Variants in AGBL1 observed in about 807,000 individuals in gnomAD.
The protein encoded by AGBL1 is cytosolic carboxypeptidase 4.
Under a neutral mutation model 118.9 loss-of-function variants are expected in AGBL1, and 130 were observed. That is an observed-to-expected ratio of 1.09 (90% CI 0.95 to 1.26). The LOEUF (loss-of-function observed/expected upper bound fraction) is 1.26, where lower values mean the gene tolerates loss of function less well. AGBL1 is among the 50% of genes most tolerant of loss of function. The pLI is 0.00. For synonymous variants in AGBL1, 555 were observed against 478.9 expected (o/e 1.16, Z -2.08); for missense variants, 1,584 against 1,298.1 (o/e 1.22, Z -3.38).
intron 22 of AGBL1, among the ~76,000 whole-genome samples, chr15:86,687,178 C>A (rs2142586886): frequency 6.6e-6 from 1 of 152,194 alleles, no homozygotes. Flanking sequence ...ACTCTGTGGC[C>A]AGTTTACCTT....
At chr15:86,693,691 T>G (rs2086210431) in intron 22 of AGBL1, among the ~76,000 whole-genome samples, 1 of 152,136 alleles carries the variant, frequency 6.6e-6, no homozygotes, top group Non-Finnish European at 1.5e-5. Flanking sequence ...CTAGAGGGTC[T>G]TTTCCAATGT....
At chr15:86,414,003 T>G (rs921292609) in intron 18 of AGBL1, among the ~76,000 whole-genome samples, 1 of 152,138 alleles carries the variant, frequency 6.6e-6, no homozygotes, top group Non-Finnish European at 1.5e-5. Flanking sequence ...TATAAAAGAA[T>G]GAAATCATGT....
Position 86,212,643 on chromosome 15 carries a change from CAGTT to C in AGBL1, c.489-12269_489-12266del, listed in dbSNP as rs68011929. On this transcript the variant is annotated intron_variant, in intron 5 of 22. Transcript: ENST00000614907. ...CCATCCTTTAAAGAAGTGGGATTGACAGTTATTTTTATTTTTTATTTTTTGGGAC... is the reference window on the plus strand; with the variant it reads ...CCATCCTTTAAAGAAGTGGGATTGACATTTTTATTTTTTATTTTTTGGGAC... Among the ~76,000 whole-genome samples the C allele has an allele frequency of 4.9e-3, 747 of 152,194 alleles. 3 individuals are homozygous for C. The highest frequency in any genetic ancestry group is 7.5e-3 in the Non-Finnish European group (513 of 67,992).
intron 23 of AGBL1, among the ~76,000 whole-genome samples, chr15:86,957,721 T>C (rs1290326127): frequency 1.3e-5 from 2 of 152,096 alleles, no homozygotes; most frequent in Non-Finnish European, 2.9e-5. Context: ...CAAATGTAGA[T>C]TTATCCCTTA....
At chr15:86,142,102 G>A (rs988914656) in intron 2 of AGBL1, 35 bp downstream of exon 2, 114 of 1,545,352 alleles carry the variant, frequency 7.4e-5, no homozygotes, top group African/African-American at 3.0e-4. Flanking sequence ...TTCATATGGC[G>A]GATGTGGAGC....
intron 22 of AGBL1, among the ~76,000 whole-genome samples, chr15:86,679,816 C>T (rs1245449949): frequency 3.3e-5 from 5 of 151,996 alleles, no homozygotes; most frequent in African/African-American, 9.7e-5. Flanking sequence ...TAACTATTTA[C>T]TTGAATTAAT....
chr15:86,846,451 G>T (rs1009517125), intron 22 of AGBL1, among the ~76,000 whole-genome samples: 3 of 152,174 alleles, frequency 2.0e-5, no homozygotes, highest in Admixed American at 2.0e-4. Context: ...GTTACAATGT[G>T]TCTATCTTAC....
chr15:86,437,209 G>C (rs965192706), intron 18 of AGBL1, among the ~76,000 whole-genome samples: 1 of 152,278 alleles, frequency 6.6e-6, no homozygotes, highest in African/African-American at 2.4e-5. Flanking sequence ...AAATATTGCT[G>C]TCAAATATTC....
intron 22 of AGBL1, among the ~76,000 whole-genome samples, chr15:86,878,940 G>A (rs765559647): frequency 6.6e-6 from 1 of 152,314 alleles, no homozygotes; most frequent in South Asian, 2.1e-4. Flanking sequence ...GCTGGTCCCC[G>A]CCTGAAGAGA....
At chr15:86,359,387 C>CTTTTTTT (rs56189861) in intron 17 of AGBL1, among the ~76,000 whole-genome samples, 3 of 93,806 alleles carry the variant, frequency 3.2e-5, no homozygotes, top group Admixed American at 1.1e-4. Flanking sequence ...TATTGGTTTT[C>CTTTTTTT]TTTTTTTTTT....
chr15:86,839,924 T>C (rs1041507685), intron 22 of AGBL1, among the ~76,000 whole-genome samples: 1 of 152,214 alleles, frequency 6.6e-6, no homozygotes, highest in Non-Finnish European at 1.5e-5. Flanking sequence ...TAACTCAGAC[T>C]TCTATGAATT....
chr15:86,583,224 G>A (rs116501930), intron 21 of AGBL1, among the ~76,000 whole-genome samples: 127 of 152,026 alleles, frequency 8.4e-4, no homozygotes, highest in African/African-American at 2.8e-3. Context: ...AGTATATTGA[G>A]TGATGCTGAA....
At chr15:86,548,953 G>A (rs1375615889) in intron 20 of AGBL1, among the ~76,000 whole-genome samples, 1 of 152,042 alleles carries the variant, frequency 6.6e-6, no homozygotes, top group Admixed American at 6.6e-5. Context: ...TTCACATGGT[G>A]AGAACAGAGC....
intron 22 of AGBL1, among the ~76,000 whole-genome samples, chr15:86,890,629 C>T (rs1390651639): frequency 6.6e-6 from 1 of 152,054 alleles, no homozygotes; most frequent in Non-Finnish European, 1.5e-5. Flanking sequence ...TTTCCAGAAC[C>T]ATTGATTAAA....
chr15:86,920,046 T>C (rs1054020509), downstream of AGBL1, among the ~76,000 whole-genome samples: 1 of 152,176 alleles, frequency 6.6e-6, no homozygotes, highest in African/African-American at 2.4e-5. Flanking sequence ...CTATTTACTG[T>C]CTTAGGGTGA....
chr15:86,110,744 G>C (rs924248794), intron 1 of AGBL1, among the ~76,000 whole-genome samples: 1 of 152,184 alleles, frequency 6.6e-6, no homozygotes, highest in Non-Finnish European at 1.5e-5. Flanking sequence ...ATTAGGGGAT[G>C]TGTAATGTTC....
intron 24 of AGBL1, among the ~76,000 whole-genome samples, chr15:86,999,347 A>G (rs1229179711): frequency 6.7e-6 from 1 of 148,430 alleles, no homozygotes; most frequent in Non-Finnish European, 1.5e-5. Flanking sequence ...CATTAGGTAT[A>G]TCTCCCGATG....
chr15:86,142,204 T>C, intron 2 of AGBL1, 137 bp downstream of exon 2: 2 of 810,580 alleles, frequency 2.5e-6, no homozygotes. Context: ...CTAGCCCATC[T>C]TTTTTCTCTA....
At chr15:86,520,912 C>T (rs2083181888) in intron 18 of AGBL1, among the ~76,000 whole-genome samples, 1 of 152,100 alleles carries the variant, frequency 6.6e-6, no homozygotes, top group Non-Finnish European at 1.5e-5. Context: ...CTGTTGCTAT[C>T]GGCATTGAAA....
Sources: allele counts gnomAD v4.1 joint callset (sites outside exome capture counted in the v4.1 genomes callset), GRCh38; gene constraint gnomAD v4.1.1; transcripts MANE v1.5; gene names NCBI Gene and HGNC (gene_info 2026-07-23, HGNC 2026-07-21).